ARHGAP8: variants seen among roughly 807,000 people sequenced by gnomAD.
ARHGAP8 encodes the protein Rho GTPase activating protein 8, also known as rho GTPase-activating protein 8.
ARHGAP8 carries 62 observed loss-of-function variants against 46.1 expected under a neutral mutation model. The observed-to-expected ratio is 1.34, with a 90% CI of 1.10 to 1.66. ARHGAP8 has a LOEUF of 1.66. ARHGAP8 is among the 40% of genes most tolerant of loss of function. The pLI is 0.00. For synonymous variants in ARHGAP8, 375 were observed against 243.1 expected (o/e 1.54, Z -5.05); for missense variants, 923 against 568.4 (o/e 1.62, Z -6.34).
chr22:44,774,811 C>A (rs1050863411), intron 1 of ARHGAP8, among the ~76,000 whole-genome samples: 1 of 151,376 alleles, frequency 6.6e-6, no homozygotes, highest in African/African-American at 2.4e-5. Context: ...CGTGAGCCAC[C>A]GTGCCTGGCC....
At position 44,862,617 on chromosome 22, in the gene ARHGAP8, TTC is replaced by T; in HGVS notation, c.*23_*24del. The T allele has an allele frequency of 6.6e-7, 1 of 1,521,624 alleles. No homozygotes were observed. Among genetic ancestry groups the T allele is most frequent in the South Asian group, 1.3e-5 (1 of 78,732 alleles). 94.3% of individuals were successfully genotyped at this position (1,521,624 alleles called of 1,614,324 possible). On this transcript the variant is annotated 3_prime_UTR_variant, in exon 12 of 12. Coordinates refer to ENST00000356099, the MANE Select transcript of ARHGAP8 (RefSeq NM_181335.3). ...CTAGTGTTGCGAACACTCTGTATAT[TTC>T]GAGCTACCTCCCACACCTGTCTGTG...
At chr22:44,835,815 TG>T (rs1384235265) in intron 7 of ARHGAP8, among the ~76,000 whole-genome samples, 2 of 152,198 alleles carry the variant, frequency 1.3e-5, no homozygotes, top group Admixed American at 1.3e-4. Context: ...ACTGAGCCAG[TG>T]TTCACTTTTG....
At chr22:44,794,287 CATT>C (rs149773958) in intron 2 of ARHGAP8, among the ~76,000 whole-genome samples, 10,051 of 152,266 alleles carry the variant, frequency 0.066, 357 homozygotes, top group African/African-American at 0.075. Context: ...AAGTCAGTTT[CATT>C]ATTATTTCCG....
intron 2 of ARHGAP8, among the ~76,000 whole-genome samples, chr22:44,798,799 C>G (rs908437224): frequency 2.0e-5 from 3 of 152,060 alleles, no homozygotes; most frequent in Non-Finnish European, 2.9e-5. Context: ...GGGAGTCTTG[C>G]TCCTTCACCA....
intron 7 of ARHGAP8, among the ~76,000 whole-genome samples, chr22:44,828,346 C>T (rs1930681832): frequency 6.6e-6 from 1 of 152,046 alleles, no homozygotes; most frequent in Admixed American, 6.5e-5. Flanking sequence ...GCGGGGCAGG[C>T]ACCTGCAGTG....
chr22:44,793,953 C>T lies in ARHGAP8; in HGVS notation c.79+7347C>T, dbSNP rs116968117. Among the ~76,000 whole-genome samples, 443 of 152,266 alleles carry T rather than the reference C, an allele frequency of 2.9e-3. 3 individuals are homozygous for T. Among genetic ancestry groups the T allele is most frequent in the Non-Finnish European group, 4.9e-3 (333 of 68,014 alleles). On this transcript the variant is annotated intron_variant, in intron 2 of 11. Transcript: ENST00000356099. Reference sequence around the variant, plus strand: ...TAATAAGTGGGAAGGTTGAAGGTTCCGGGGATTCCTCTCAGCTGCTGGGGA... The same window carrying T: ...TAATAAGTGGGAAGGTTGAAGGTTCTGGGGATTCCTCTCAGCTGCTGGGGA...
chr22:44,755,992 TC>T (rs1277554333), intron 1 of ARHGAP8, among the ~76,000 whole-genome samples: 1 of 152,198 alleles, frequency 6.6e-6, no homozygotes, highest in Non-Finnish European at 1.5e-5. Flanking sequence ...GCGCAGGTGT[TC>T]CTGTTTATTG....
intron 2 of ARHGAP8, among the ~76,000 whole-genome samples, chr22:44,789,779 G>C (rs987673924): frequency 6.6e-6 from 1 of 152,174 alleles, no homozygotes; most frequent in African/African-American, 2.4e-5. Flanking sequence ...GGGATTATAG[G>C]TGTATTTTTT....
At chr22:44,833,624 T>G (rs934151640) in intron 7 of ARHGAP8, among the ~76,000 whole-genome samples, 4 of 152,178 alleles carry the variant, frequency 2.6e-5, no homozygotes, top group Non-Finnish European at 5.9e-5. Flanking sequence ...TAGTTTGTCA[T>G]TTTCTTGTCT....
chr22:44,857,675 G>T (rs1342181227), intron 10 of ARHGAP8, among the ~76,000 whole-genome samples: 2 of 152,152 alleles, frequency 1.3e-5, no homozygotes, highest in African/African-American at 4.8e-5. Context: ...TATAGGGAAG[G>T]CGCCTCTCAT....
At chr22:44,858,140 A>C (rs114691059) in intron 10 of ARHGAP8, among the ~76,000 whole-genome samples, 2,762 of 152,332 alleles carry the variant, frequency 0.018, 95 homozygotes, top group African/African-American at 0.063. Flanking sequence ...TAAGAAGCCA[A>C]CAGGAATGAT....
chr22:44,762,380 G>T (rs907548226), intron 1 of ARHGAP8, among the ~76,000 whole-genome samples: 2 of 151,998 alleles, frequency 1.3e-5, no homozygotes, highest in African/African-American at 4.8e-5. Context: ...AGGCTGTAGT[G>T]AGCTATGATC....
At chr22:44,828,547 T>G (rs1306030076) in intron 7 of ARHGAP8, among the ~76,000 whole-genome samples, 2 of 151,782 alleles carry the variant, frequency 1.3e-5, no homozygotes, top group Non-Finnish European at 2.9e-5. Context: ...CCTCCCGGGT[T>G]TAAGCAATTC....
chr22:44,824,209 C>T (rs1442504978), intron 6 of ARHGAP8, among the ~76,000 whole-genome samples: 1 of 152,194 alleles, frequency 6.6e-6, no homozygotes, highest in Admixed American at 6.5e-5. Flanking sequence ...CAGACCTTGA[C>T]AAGCCTCAGT....
At chr22:44,780,689 A>G (rs1020614542) in intron 1 of ARHGAP8, among the ~76,000 whole-genome samples, 4 of 152,150 alleles carry the variant, frequency 2.6e-5, no homozygotes, top group African/African-American at 7.2e-5. Context: ...GTATTCAGTG[A>G]AAAGTCTTTC....
At chr22:44,814,157 A>C (rs1204125847) in intron 4 of ARHGAP8, among the ~76,000 whole-genome samples, 1 of 152,168 alleles carries the variant, frequency 6.6e-6, no homozygotes, top group African/African-American at 2.4e-5. Context: ...GGAAGGAGGG[A>C]GAGAGAGAAG....
Position 44,851,686 on chromosome 22 carries a change from A to T in ARHGAP8, c.877+2626A>T, listed in dbSNP as rs371301093. Among the ~76,000 whole-genome samples the T allele has an allele frequency of 1.1e-4, 16 of 152,252 alleles. 1 individual carries two copies. The highest frequency in any genetic ancestry group is 3.9e-4 in the African/African-American group (16 of 41,548). On this transcript the variant is annotated intron_variant, in intron 10 of 11. Coordinates refer to ENST00000356099, the MANE Select transcript of ARHGAP8 (RefSeq NM_181335.3). Reference sequence around the variant, plus strand: ...AGACCCCATCTCTACAAAAGATTTTAAAAATTGGCTGGGCTTGGTAGTGTA... The same window carrying T: ...AGACCCCATCTCTACAAAAGATTTTTAAAATTGGCTGGGCTTGGTAGTGTA...
At chr22:44,771,626 C>T (rs1035113002) in intron 1 of ARHGAP8, among the ~76,000 whole-genome samples, 5 of 151,966 alleles carry the variant, frequency 3.3e-5, no homozygotes, top group Admixed American at 3.3e-4. Context: ...GCAATCTCAG[C>T]TCGCTGCAAC....
chr22:44,805,064 C>T (rs1199368884), intron 3 of ARHGAP8, among the ~76,000 whole-genome samples: 1 of 152,178 alleles, frequency 6.6e-6, no homozygotes, highest in Non-Finnish European at 1.5e-5. Flanking sequence ...TTGGTGTTTA[C>T]CAGGCACACA....
Sources: allele counts gnomAD v4.1 joint callset (sites outside exome capture counted in the v4.1 genomes callset), GRCh38; gene constraint gnomAD v4.1.1; transcripts MANE v1.5; gene names NCBI Gene and HGNC (gene_info 2026-07-23, HGNC 2026-07-21).